The following GRIN2A variants were observed in gnomAD, a reference collection of about 807,000 sequenced individuals.
The protein encoded by GRIN2A is glutamate ionotropic receptor NMDA type subunit 2A, also known as glutamate receptor ionotropic, NMDA 2A.
A neutral mutation model predicts 113.4 loss-of-function variants in GRIN2A; 22 were observed. That is an observed-to-expected ratio of 0.19 (90% CI 0.14 to 0.28). The LOEUF (loss-of-function observed/expected upper bound fraction) is 0.28. Ranked by LOEUF, GRIN2A falls within the 10% of genes least tolerant of loss-of-function variation. The pLI is 1.00. For synonymous variants in GRIN2A, 827 were observed against 738.4 expected (o/e 1.12, Z -1.94); for missense variants, 1,502 against 1,887.0 (o/e 0.80, Z 3.78).
At chr16:10,025,799 A>G (rs1272375595) in intron 2 of GRIN2A, among the ~76,000 whole-genome samples, 1 of 152,064 alleles carries the variant, frequency 6.6e-6, no homozygotes, top group Non-Finnish European at 1.5e-5. Context: ...GCAAAATCTC[A>G]TGGGTAGAGA....
chr16:10,034,931 C>A (rs933911199), intron 2 of GRIN2A, among the ~76,000 whole-genome samples: 2 of 152,344 alleles, frequency 1.3e-5, no homozygotes, highest in South Asian at 2.1e-4. Flanking sequence ...CTACAGTAAT[C>A]TTTCTAAAAC....
At chr16:9,945,254 A>G (rs555606313) in intron 2 of GRIN2A, among the ~76,000 whole-genome samples, 1 of 152,258 alleles carries the variant, frequency 6.6e-6, no homozygotes, top group Admixed American at 6.5e-5. Context: ...GCCCCACTCT[A>G]GGTCATCTGA....
At chr16:9,790,542 G>A (rs1902545084) in intron 11 of GRIN2A, among the ~76,000 whole-genome samples, 1 of 152,128 alleles carries the variant, frequency 6.6e-6, no homozygotes, top group African/African-American at 2.4e-5. Context: ...TGCATATATT[G>A]CATTAAAGAG....
intron 2 of GRIN2A, among the ~76,000 whole-genome samples, chr16:10,169,807 G>A (rs574234630): frequency 2.6e-5 from 4 of 152,298 alleles, no homozygotes; most frequent in African/African-American, 9.6e-5. Context: ...GTATAATGGA[G>A]CTATCACCTC....
intron 2 of GRIN2A, among the ~76,000 whole-genome samples, chr16:10,093,872 T>C (rs866084987): frequency 1.5e-4 from 23 of 152,158 alleles, no homozygotes; most frequent in African/African-American, 5.6e-4. Context: ...AGGGAAGAGA[T>C]TGTCTGGGAA....
chr16:10,002,796 T>A (rs192672568), intron 2 of GRIN2A, among the ~76,000 whole-genome samples: 62 of 152,230 alleles, frequency 4.1e-4, no homozygotes, highest in African/African-American at 1.3e-3. Flanking sequence ...AATCTTCCTA[T>A]TTTAACAGTT....
chr16:9,851,474 C>A (rs967737898), intron 4 of GRIN2A, among the ~76,000 whole-genome samples: 1 of 152,182 alleles, frequency 6.6e-6, no homozygotes, highest in African/African-American at 2.4e-5. Context: ...ATGGCTAAAA[C>A]AGAATGACTC....
At chr16:9,868,278 A>G (rs1460053197) in intron 4 of GRIN2A, among the ~76,000 whole-genome samples, 3 of 151,540 alleles carry the variant, frequency 2.0e-5, no homozygotes, top group Non-Finnish European at 4.4e-5. Context: ...TTTATTTTTT[A>G]TTTTTTTGAG....
intron 9 of GRIN2A, among the ~76,000 whole-genome samples, chr16:9,823,497 C>T (rs2042328159): frequency 6.6e-6 from 1 of 152,194 alleles, no homozygotes; most frequent in Non-Finnish European, 1.5e-5. Context: ...TGATTACCGT[C>T]TGTTATTATC....
At chr16:9,902,715 A>T (rs990709025) in intron 3 of GRIN2A, among the ~76,000 whole-genome samples, 1 of 151,772 alleles carries the variant, frequency 6.6e-6, no homozygotes, top group African/African-American at 2.4e-5. Context: ...TTATTTTTCC[A>T]ACTCTACAAT....
intron 5 of GRIN2A, among the ~76,000 whole-genome samples, chr16:9,843,261 C>A (rs1342424581): frequency 1.3e-5 from 2 of 152,142 alleles, no homozygotes; most frequent in African/African-American, 4.8e-5. Flanking sequence ...CAGACACACA[C>A]ACACGCATCA....
At chr16:10,174,861 C>T (rs2050112428) in intron 2 of GRIN2A, among the ~76,000 whole-genome samples, 1 of 149,176 alleles carries the variant, frequency 6.7e-6, no homozygotes. Flanking sequence ...AAACAAGATA[C>T]ATGGAGAATT....
intron 3 of GRIN2A, among the ~76,000 whole-genome samples, chr16:9,893,133 T>C (rs894911836): frequency 1.3e-5 from 2 of 152,058 alleles, no homozygotes; most frequent in Non-Finnish European, 2.9e-5. Flanking sequence ...AGAGCAAATA[T>C]TGTGTATTTA....
chr16:9,863,527 A>G (rs900539311), intron 4 of GRIN2A, among the ~76,000 whole-genome samples: 1 of 152,224 alleles, frequency 6.6e-6, no homozygotes, highest in African/African-American at 2.4e-5. Context: ...TGCAGGCTTG[A>G]TGTTGAATTC....
At chr16:9,911,656 G>A (rs138221604) in intron 3 of GRIN2A, among the ~76,000 whole-genome samples, 2 of 152,160 alleles carry the variant, frequency 1.3e-5, no homozygotes, top group African/African-American at 2.4e-5. Context: ...TTAGGAACAA[G>A]GAAGTGCATT....
At chr16:9,958,987 A>G (rs2045370268) in intron 2 of GRIN2A, among the ~76,000 whole-genome samples, 1 of 152,164 alleles carries the variant, frequency 6.6e-6, no homozygotes, top group African/African-American at 2.4e-5. Flanking sequence ...ATTGGTGCTA[A>G]TTTATGTTGA....
intron 2 of GRIN2A, among the ~76,000 whole-genome samples, chr16:10,053,129 G>A (rs1301999807): frequency 1.3e-5 from 2 of 152,008 alleles, no homozygotes; most frequent in Non-Finnish European, 2.9e-5. Flanking sequence ...TAGTAATTCT[G>A]CCACTGTTCA....
Position 9,972,166 on chromosome 16 carries a change from G to A in GRIN2A, c.415-33615C>T, listed in dbSNP as rs558968412. Among the ~76,000 whole-genome samples the A allele has an allele frequency of 3.9e-5, 6 of 152,290 alleles. No homozygotes were observed. In the South Asian group the frequency reaches 1.2e-3, roughly 32 times the overall value. ...AAAGGGTGAGTAGACAAGGCTCAAAGTAGTTTGCATTTAAACCCAACAGGA... is the reference window on the plus strand; with the variant it reads ...AAAGGGTGAGTAGACAAGGCTCAAAATAGTTTGCATTTAAACCCAACAGGA... On this transcript the variant is annotated intron_variant, in intron 2 of 12. Transcript: ENST00000330684.
chr16:10,142,147 G>A (rs899031432), intron 2 of GRIN2A, among the ~76,000 whole-genome samples: 2 of 152,078 alleles, frequency 1.3e-5, no homozygotes, highest in Non-Finnish European at 2.9e-5. Flanking sequence ...AAAAGAGCAC[G>A]AACCCACAAG....
Sources: allele counts gnomAD v4.1 joint callset (sites outside exome capture counted in the v4.1 genomes callset), GRCh38; gene constraint gnomAD v4.1.1; transcripts MANE v1.5; gene names NCBI Gene and HGNC (gene_info 2026-07-23, HGNC 2026-07-21).